The following PTPRD variants were observed in gnomAD, a reference collection of about 807,000 sequenced individuals.
The protein encoded by PTPRD is receptor-type tyrosine-protein phosphatase delta.
A neutral mutation model predicts 214.5 loss-of-function variants in PTPRD; 34 were observed. That is an observed-to-expected ratio of 0.16 (90% CI 0.12 to 0.21). The LOEUF (loss-of-function observed/expected upper bound fraction) is 0.21. PTPRD is among the 10% of genes least tolerant of loss of function. The pLI, the probability that PTPRD is intolerant of heterozygous loss-of-function variation, is 1.00. For synonymous variants in PTPRD, 1,128 were observed against 845.7 expected, an observed-to-expected ratio of 1.33 and a Z score of -5.79; for missense variants, 2,545 against 2,398.7, an observed-to-expected ratio of 1.06 and a Z score of -1.27.
At chr9:9,915,971 A>G (rs142654168) in intron 5 of PTPRD, among the ~76,000 whole-genome samples, 2 of 152,204 alleles carry the variant, frequency 1.3e-5, no homozygotes, top group East Asian at 3.9e-4. Context: ...TGGAAAAGAA[A>G]AACATTAAGT....
intron 5 of PTPRD, among the ~76,000 whole-genome samples, chr9:9,845,357 A>C (rs1348627827): frequency 6.6e-6 from 1 of 151,668 alleles, no homozygotes; most frequent in Non-Finnish European, 1.5e-5. Flanking sequence ...CTTGTCCACA[A>C]AAGACTTTGG....
At chr9:9,532,594 T>C (rs1407838181) in intron 8 of PTPRD, among the ~76,000 whole-genome samples, 1 of 152,152 alleles carries the variant, frequency 6.6e-6, no homozygotes, top group Non-Finnish European at 1.5e-5. Context: ...TGAAAAGGCT[T>C]TCCAATTCAT....
chr9:9,685,667 T>A (rs1381004648), intron 7 of PTPRD, among the ~76,000 whole-genome samples: 1 of 151,178 alleles, frequency 6.6e-6, no homozygotes, highest in African/African-American at 2.4e-5. Context: ...AGCTACAGAT[T>A]AGAATTGGCT....
At chr9:9,918,581 C>G (rs142764048) in intron 5 of PTPRD, among the ~76,000 whole-genome samples, 1 of 151,946 alleles carries the variant, frequency 6.6e-6, no homozygotes, top group African/African-American at 2.4e-5. Context: ...GCACAAAATA[C>G]TTCAAGTAGC....
intron 4 of PTPRD, among the ~76,000 whole-genome samples, chr9:10,018,826 G>A (rs938215326): frequency 2.0e-5 from 3 of 152,046 alleles, no homozygotes; most frequent in African/African-American, 7.2e-5. Context: ...TGGGATTACA[G>A]GCGTGAGCCA....
At chr9:10,431,489 T>A (rs537828776) in intron 2 of PTPRD, among the ~76,000 whole-genome samples, 6 of 151,650 alleles carry the variant, frequency 4.0e-5, no homozygotes, top group African/African-American at 1.5e-4. Flanking sequence ...ACCATCAGAG[T>A]GAACAGGCAA....
intron 6 of PTPRD, among the ~76,000 whole-genome samples, chr9:9,761,764 C>T (rs547369886): frequency 6.6e-6 from 1 of 152,178 alleles, no homozygotes; most frequent in Non-Finnish European, 1.5e-5. Context: ...ATCATTCCAT[C>T]AAATTGTCTC....
chr9:9,347,431 C>T (rs1439204048), intron 9 of PTPRD, among the ~76,000 whole-genome samples: 1 of 151,692 alleles, frequency 6.6e-6, no homozygotes. Context: ...AATTTCTGTT[C>T]CCTTCAATGT....
Position 9,402,983 on chromosome 9 carries a change from A to AC in PTPRD, c.-236-5502_-236-5501insG, listed in dbSNP as rs2071385019. Among the ~76,000 whole-genome samples, 7 of 147,376 alleles carry AC rather than the reference A, an allele frequency of 4.7e-5. 1 individual carries two copies. The highest frequency in any genetic ancestry group is 1.0e-4 in the Non-Finnish European group (7 of 66,838). Reference sequence around the variant, plus strand: ...AATAGGGAGAAAAAAAAAAAAAAAAAAAAAAACACCAAAAAAAAATGAGGT... The same window carrying AC: ...AATAGGGAGAAAAAAAAAAAAAAAAACAAAAAACACCAAAAAAAAATGAGGT... On this transcript the variant is annotated intron_variant, in intron 8 of 45. Transcript: ENST00000381196.
intron 11 of PTPRD, among the ~76,000 whole-genome samples, chr9:8,996,099 C>T (rs570255700): frequency 6.6e-6 from 1 of 152,008 alleles, no homozygotes; most frequent in South Asian, 2.1e-4. Context: ...AAATGCCACT[C>T]CCAAAACTCC....
In PTPRD at chr9:10,545,744, C is replaced by T. The variant is rs555231913; in HGVS notation, c.-600+66654G>A. ...CTTTCAGAAGTTTTCTCTGGAAGAA[C>T]CCCAAGCTGAGCAAAGTTCTTTCTT... is the stretch of plus-strand genomic sequence containing the variant. On this transcript the variant is annotated intron_variant, in intron 2 of 45. Coordinates refer to ENST00000381196, the MANE Select transcript of PTPRD (RefSeq NM_002839.4). 5.4e-4 allele frequency among the ~76,000 whole-genome samples: 82 copies of T among 152,230 alleles called. 1 individual carries two copies. In the South Asian group the frequency reaches 0.016, roughly 30 times the overall value.
At chr9:8,985,339 T>C (rs1317377006) in intron 11 of PTPRD, among the ~76,000 whole-genome samples, 1 of 152,080 alleles carries the variant, frequency 6.6e-6, no homozygotes, top group Non-Finnish European at 1.5e-5. Flanking sequence ...TATACTGTAA[T>C]GAAGCTACAA....
intron 5 of PTPRD, among the ~76,000 whole-genome samples, chr9:9,876,159 G>C (rs138103834): frequency 2.6e-4 from 40 of 152,240 alleles, no homozygotes; most frequent in Middle Eastern, 3.4e-3. Flanking sequence ...GGGTACCTGA[G>C]TTCCAATGGT....
intron 3 of PTPRD, among the ~76,000 whole-genome samples, chr9:10,312,584 A>C (rs567755323): frequency 1.2e-3 from 184 of 152,132 alleles, no homozygotes; most frequent in Admixed American, 2.0e-3. Flanking sequence ...ACCTGATATG[A>C]AAATAAATGA....
At chr9:10,598,986 G>A (rs2077314778) in intron 2 of PTPRD, among the ~76,000 whole-genome samples, 1 of 151,464 alleles carries the variant, frequency 6.6e-6, no homozygotes, top group South Asian at 2.1e-4. Context: ...ATTTTAGCTA[G>A]GTACACAACT....
chr9:9,510,068 T>C (rs2154242841), intron 8 of PTPRD, among the ~76,000 whole-genome samples: 1 of 151,760 alleles, frequency 6.6e-6, no homozygotes, highest in East Asian at 1.9e-4. Flanking sequence ...CTCATCCATG[T>C]CTGTTTCCCA....
At chr9:8,982,213 A>G (rs1479099102) in intron 11 of PTPRD, among the ~76,000 whole-genome samples, 3 of 152,034 alleles carry the variant, frequency 2.0e-5, no homozygotes, top group African/African-American at 7.2e-5. Context: ...ACTGAATGGT[A>G]TTTCATTGAA....
intron 9 of PTPRD, among the ~76,000 whole-genome samples, chr9:9,261,338 C>T (rs556345687): frequency 1.3e-5 from 2 of 151,782 alleles, no homozygotes; most frequent in Non-Finnish European, 2.9e-5. Flanking sequence ...TTCAAAGGAT[C>T]TAATTTCTTT....
At chr9:10,437,170 G>A (rs1167307184) in intron 2 of PTPRD, among the ~76,000 whole-genome samples, 1 of 151,686 alleles carries the variant, frequency 6.6e-6, no homozygotes, top group East Asian at 1.9e-4. Flanking sequence ...TGATCCTCAT[G>A]AGACTATATG....
Sources: allele counts gnomAD v4.1 joint callset (sites outside exome capture counted in the v4.1 genomes callset), GRCh38; gene constraint gnomAD v4.1.1; transcripts MANE v1.5; gene names NCBI Gene and HGNC (gene_info 2026-07-23, HGNC 2026-07-21).